The following PCDHGA2 variants were observed in gnomAD, a reference collection of about 807,000 sequenced individuals.
PCDHGA2 encodes protocadherin gamma-A2.
PCDHGA2 carries 40 observed loss-of-function variants against 59.2 expected under a neutral mutation model. The ratio of observed to expected loss-of-function variants is 0.68; its 90% CI spans 0.52 to 0.88. The LOEUF is 0.88. Ranked by LOEUF, PCDHGA2 falls within the 40% of genes least tolerant of loss-of-function variation. PCDHGA2 has a pLI of 0.00. For synonymous variants in PCDHGA2, 560 were observed against 526.0 expected (o/e 1.06, Z -0.89); for missense variants, 1,226 against 1,204.0 (o/e 1.02, Z -0.27).
At chr5:141,382,093 T>C (rs1420552886) in intron 1 of PCDHGA2, among the ~76,000 whole-genome samples, 1 of 152,090 alleles carries the variant, frequency 6.6e-6, no homozygotes, top group Non-Finnish European at 1.5e-5. Context: ...CCTCACAAAG[T>C]GTGGGATTAC....
At position 141,511,871 on chromosome 5, in the gene PCDHGA2, A is replaced by T. The variant is rs1306732557; in HGVS notation, c.*698A>T. On this transcript the variant is annotated 3_prime_UTR_variant, in exon 4 of 4. Coordinates refer to ENST00000394576, the MANE Select transcript of PCDHGA2 (RefSeq NM_018915.4). ...TTGTTTTTCATTGTTTGACGTTTCCACTGCATGCCTTGACTTCCCCCACCT... is the reference window on the plus strand; with the variant it reads ...TTGTTTTTCATTGTTTGACGTTTCCTCTGCATGCCTTGACTTCCCCCACCT... 1 of 156,376 alleles carries T rather than the reference A, an allele frequency of 6.4e-6. No homozygotes were observed. The highest frequency in any genetic ancestry group is 1.9e-4 in the East Asian group (1 of 5,268). 9.7% of individuals were successfully genotyped at this position (156,376 alleles called of 1,614,324 possible).
At chr5:141,510,900 G>A in intron 3 of PCDHGA2, 47 bp from the exon 4 acceptor site, 6 of 1,613,378 alleles carry the variant, frequency 3.7e-6, no homozygotes, top group Non-Finnish European at 5.1e-6. Context: ...AGTGACTGTT[G>A]AGGACCCTAA....
At chr5:141,413,597 A>C in intron 1 of PCDHGA2, 2 of 1,613,888 alleles carry the variant, frequency 1.2e-6, no homozygotes, top group Non-Finnish European at 8.5e-7. Context: ...CAAGCAGAAA[A>C]TCTAGACGTA....
chr5:141,402,895 A>G, intron 1 of PCDHGA2: 1 of 1,505,744 alleles, frequency 6.6e-7, no homozygotes, highest in South Asian at 1.4e-5. Context: ...GGAAGAAAGA[A>G]CCTGATGAAG....
At chr5:141,363,093 G>A (rs992729487) in intron 1 of PCDHGA2, among the ~76,000 whole-genome samples, 1 of 152,222 alleles carries the variant, frequency 6.6e-6, no homozygotes, top group African/African-American at 2.4e-5. Context: ...ATTTCTAAAG[G>A]ACAGGCAATG....
intron 1 of PCDHGA2, chr5:141,433,151 G>T (rs2097572071): frequency 1.2e-6 from 2 of 1,614,006 alleles, no homozygotes; most frequent in African/African-American, 1.3e-5. Context: ...AGGTGATTCG[G>T]TATTTTCTAA....
At position 141,491,796 on chromosome 5, in the gene PCDHGA2, C is replaced by T. The variant is rs1487915203; in HGVS notation, c.2425-3011C>T. The stretch of plus-strand genomic sequence containing the variant: ...GATTGAACTTGCATCCACTCCTCTC[C>T]GGCCGGCTTGGTCGCTGGCTGCGCT... On this transcript the variant is annotated intron_variant, in intron 1 of 3. Transcript: ENST00000394576. The surrounding 1 kb of genome is among the most constrained non-coding windows in gnomAD (Gnocchi z 6.9). 6.6e-7 allele frequency: 1 copy of T among 1,509,866 alleles called. No homozygotes were observed. The highest frequency in any genetic ancestry group is 2.4e-5 in the Admixed American group (1 of 42,218). The allele number at this position is 1,509,866 out of a possible 1,614,324, so 93.5% of individuals were successfully genotyped here. A position where few individuals can be genotyped will look rare whatever the true frequency, so the allele number is the denominator to read the frequency against.
At chr5:141,392,107 C>T (rs1289551398) in intron 1 of PCDHGA2, 1 of 152,168 alleles carries the variant, frequency 6.6e-6, no homozygotes, top group Non-Finnish European at 1.5e-5. Flanking sequence ...AAAGCAACAA[C>T]TCTATAGAAA....
At chr5:141,364,958 C>G in intron 1 of PCDHGA2, 1 of 1,613,958 alleles carries the variant, frequency 6.2e-7, no homozygotes, top group Non-Finnish European at 8.5e-7. Flanking sequence ...TGTTCACGAC[C>G]TCCTCCTCAC....
At position 141,432,015 on chromosome 5, in the gene PCDHGA2, A is replaced by G. The variant is rs745405194; in HGVS notation, c.2425-62792A>G. 6.2e-7 allele frequency: 1 copy of G among 1,614,196 alleles called. No individual in the cohort carries two copies. Among genetic ancestry groups the G allele is most frequent in the Admixed American group, 1.7e-5 (1 of 60,032 alleles). On this transcript the variant is annotated intron_variant, in intron 1 of 3. Coordinates refer to ENST00000394576, the MANE Select transcript of PCDHGA2 (RefSeq NM_018915.4). The surrounding 1 kb of genome is among the most constrained non-coding windows in gnomAD (Gnocchi z 6.0). ...GATAGGGAACAGGTTCCTAGCTACA[A>G]CATCACAGTGACCGCCACTGACCGG...
Position 141,511,400 on chromosome 5 carries a change from T to C in PCDHGA2, c.*227T>C. The C allele has an allele frequency of 2.0e-6, 2 of 982,250 alleles. No individual in the cohort carries two copies. Among genetic ancestry groups the C allele is most frequent in the Non-Finnish European group, 2.9e-6 (2 of 688,054 alleles). The allele number at this position is 982,250 out of a possible 1,614,324, so 60.8% of individuals were successfully genotyped here. On this transcript the variant is annotated 3_prime_UTR_variant, in exon 4 of 4. Coordinates refer to ENST00000394576, the MANE Select transcript of PCDHGA2 (RefSeq NM_018915.4). ...AGTTCCGCTGGGAACCCCCATCCAA[T>C]CAACTGCTGTACCCATGGGGGTAGT...
chr5:141,370,490 G>A (rs780342479), intron 1 of PCDHGA2: 48 of 1,613,776 alleles, frequency 3.0e-5, no homozygotes, highest in Non-Finnish European at 4.0e-5. Context: ...TCTCCGAACC[G>A]ATCCGCTACG....
At position 141,340,639 on chromosome 5, in the gene PCDHGA2, C is replaced by G. The variant is rs778069280; in HGVS notation, c.1668C>G (p.Asn556Lys). ...VSLSLFVLDQ[N>K]DNAPEILYPA... The stretch of plus-strand genomic sequence containing the variant: ...TAAGCCTGTTCGTGCTGGACCAGAA[C>G]GACAACGCGCCCGAGATCCTGTACC... The change falls in exon 1 of 4, where the codon AAC (asparagine) becomes AAG (lysine). Residue 556 changes from asparagine to lysine, a missense_variant. By Grantham distance (94) the Asn-to-Lys change is moderately conservative (BLOSUM62 0). Transcript: ENST00000394576. 6.2e-7 allele frequency: 1 copy of G among 1,614,114 alleles called. No individual in the cohort carries two copies. Among genetic ancestry groups the G allele is most frequent in the African/African-American group, 1.3e-5 (1 of 74,938 alleles).
At chr5:141,406,544 T>A (rs1254762260) in intron 1 of PCDHGA2, among the ~76,000 whole-genome samples, 1 of 152,222 alleles carries the variant, frequency 6.6e-6, no homozygotes, top group Non-Finnish European at 1.5e-5. Context: ...AGATTCAAAC[T>A]TCAGTTATCC....
intron 1 of PCDHGA2, chr5:141,422,654 C>T: frequency 1.2e-6 from 2 of 1,610,030 alleles, no homozygotes; most frequent in Non-Finnish European, 1.7e-6. Flanking sequence ...TTCTCAGTGA[C>T]CGCCCTCGAC....
chr5:141,459,025 A>C (rs2098959135), intron 1 of PCDHGA2, among the ~76,000 whole-genome samples: 1 of 152,336 alleles, frequency 6.6e-6, no homozygotes, highest in Non-Finnish European at 1.5e-5. Flanking sequence ...GAGCCACCAC[A>C]TCCAGCCTTA....
intron 1 of PCDHGA2, among the ~76,000 whole-genome samples, chr5:141,368,789 T>C (rs1765858310): frequency 6.6e-6 from 1 of 152,196 alleles, no homozygotes; most frequent in East Asian, 1.9e-4. Context: ...TGAAGAATAA[T>C]TTTTCATACT....
chr5:141,389,863 TG>T, intron 1 of PCDHGA2: 2 of 1,614,064 alleles, frequency 1.2e-6, no homozygotes, highest in Non-Finnish European at 1.7e-6. Context: ...ACGTTGCACC[TG>T]GTCTTCGCCG....
intron 1 of PCDHGA2, chr5:141,409,119 C>A: frequency 6.2e-7 from 1 of 1,613,928 alleles, no homozygotes; most frequent in Non-Finnish European, 8.5e-7. Flanking sequence ...AATAACCAGT[C>A]ATTTGATTTT....
Sources: allele counts gnomAD v4.1 joint callset (sites outside exome capture counted in the v4.1 genomes callset), GRCh38; gene constraint gnomAD v4.1.1; non-coding constraint Gnocchi (gnomAD v3.1); transcripts MANE v1.5; gene names NCBI Gene and HGNC (gene_info 2026-07-23, HGNC 2026-07-21).